The following IFRD1 variants were observed in gnomAD, a reference collection of about 807,000 sequenced individuals.
IFRD1 encodes interferon-related developmental regulator 1.
Under a neutral mutation model 52.9 loss-of-function variants are expected in IFRD1, and 35 were observed. That is an observed-to-expected ratio of 0.66 (90% CI 0.51 to 0.88). The LOEUF (loss-of-function observed/expected upper bound fraction) is 0.88, where lower values mean the gene tolerates loss of function less well. Among genes scored for constraint, IFRD1 ranks in the 40% least tolerant of loss-of-function variants. IFRD1 has a pLI of 0.00. For synonymous variants in IFRD1, 184 were observed against 188.4 expected (o/e 0.98, Z 0.19); for missense variants, 517 against 550.8 (o/e 0.94, Z 0.61).
intron 1 of IFRD1, among the ~76,000 whole-genome samples, chr7:112,441,841 G>A (rs1794897723): frequency 6.6e-6 from 1 of 152,134 alleles, no homozygotes; most frequent in Non-Finnish European, 1.5e-5. Flanking sequence ...AACATGCTTA[G>A]TATATAGTGG....
At chr7:112,471,848 G>A (rs1045777421) in intron 9 of IFRD1, among the ~76,000 whole-genome samples, 4 of 151,882 alleles carry the variant, frequency 2.6e-5, no homozygotes, top group African/African-American at 9.7e-5. Context: ...CCCTGCTTGT[G>A]GTGCCATTTT....
At chr7:112,466,943 T>A (rs1237502519) in intron 8 of IFRD1, among the ~76,000 whole-genome samples, 1 of 152,174 alleles carries the variant, frequency 6.6e-6, no homozygotes, top group African/African-American at 2.4e-5. Flanking sequence ...TGTCTCTAAC[T>A]TAGATATAGG....
intron 4 of IFRD1, 189 bp downstream of exon 4, chr7:112,457,227 C>T: frequency 1.6e-6 from 1 of 634,416 alleles, no homozygotes; most frequent in Non-Finnish European, 2.8e-6. Flanking sequence ...ATTACGTAAA[C>T]CAAAAAAAAA....
At chr7:112,468,206 T>C (rs560023853) in intron 9 of IFRD1, 91 bp downstream of exon 9, 1 of 1,361,606 alleles carries the variant, frequency 7.3e-7, no homozygotes, top group Non-Finnish European at 1.0e-6. Flanking sequence ...GTTGATTGAA[T>C]TTCACCTTTG....
intron 1 of IFRD1, among the ~76,000 whole-genome samples, chr7:112,452,905 T>C (rs1385362331): frequency 6.6e-6 from 1 of 151,950 alleles, no homozygotes; most frequent in Non-Finnish European, 1.5e-5. Flanking sequence ...CTAGAACTTG[T>C]TAACTGTGGT....
chr7:112,469,406 C>A (rs899268544), intron 9 of IFRD1, among the ~76,000 whole-genome samples: 2 of 152,052 alleles, frequency 1.3e-5, no homozygotes, highest in African/African-American at 4.8e-5. Context: ...TTTATATTTA[C>A]TCTGGATTTT....
At chr7:112,452,349 C>A in intron 1 of IFRD1, 1 of 435,592 alleles carries the variant, frequency 2.3e-6, no homozygotes, top group Non-Finnish European at 3.1e-6. Flanking sequence ...TTTGTGGAGA[C>A]AAGGTCTATG....
rs534671053 is a variant in IFRD1 at position 112,443,388 on chromosome 7, A to C, written c.-181-7120A>C. ...CAGGAGTTTGAGACCAGCCTAGGCA[A>C]CACAGCAAGACCTCATTTCTACAAA... is the stretch of plus-strand genomic sequence containing the variant. On this transcript the variant is annotated intron_variant, in intron 1 of 12. Transcript: ENST00000005558. Among the ~76,000 whole-genome samples the C allele has an allele frequency of 5.3e-5, 8 of 151,376 alleles. No individual in the cohort carries two copies. In the East Asian group the frequency reaches 1.2e-3, roughly 22 times the overall value.
At chr7:112,429,890 A>G (rs554198168) in intron 1 of IFRD1, among the ~76,000 whole-genome samples, 1 of 152,362 alleles carries the variant, frequency 6.6e-6, no homozygotes, top group African/African-American at 2.4e-5. Flanking sequence ...AAGTTGTTAT[A>G]TAAATAAAAT....
At chr7:112,472,475 T>G in intron 10 of IFRD1, 128 bp downstream of exon 10, 2 of 1,068,704 alleles carry the variant, frequency 1.9e-6, no homozygotes, top group Non-Finnish European at 2.9e-6. Flanking sequence ...ACAGTAAACT[T>G]GTTTTTGAAA....
At chr7:112,456,851 TA>T in intron 3 of IFRD1, 62 bp from the exon 4 acceptor site, 2 of 1,537,274 alleles carry the variant, frequency 1.3e-6, no homozygotes, top group Non-Finnish European at 9.0e-7. Context: ...AATAAGATTT[TA>T]AAAAGTTATT....
chr7:112,445,737 T>G (rs753180211), upstream of IFRD1, among the ~76,000 whole-genome samples: 1 of 152,214 alleles, frequency 6.6e-6, no homozygotes, highest in African/African-American at 2.4e-5. Flanking sequence ...TTCCAGCCCA[T>G]AAACACTCAT....
chr7:112,455,333 A>G (rs1322776698), intron 1 of IFRD1, among the ~76,000 whole-genome samples: 1 of 152,144 alleles, frequency 6.6e-6, no homozygotes, highest in African/African-American at 2.4e-5. Context: ...AATACACAAA[A>G]AATTTGTCAG....
At chr7:112,470,600 C>G (rs1795721699) in intron 9 of IFRD1, among the ~76,000 whole-genome samples, 1 of 152,102 alleles carries the variant, frequency 6.6e-6, no homozygotes, top group Non-Finnish European at 1.5e-5. Context: ...GAGAAGGAAC[C>G]TGTGGAGAAA....
Position 112,450,934 on chromosome 7 carries a change from C to T in IFRD1, c.94+152C>T, listed in dbSNP as rs185340202. 3.2e-4 allele frequency: 221 copies of T among 683,904 alleles called. 2 individuals carry two copies. The East Asian group carries it at 5.0e-3, about 15-fold the overall frequency. 42.4% of individuals were successfully genotyped at this position (683,904 alleles called of 1,614,324 possible). A position where few individuals can be genotyped will look rare whatever the true frequency, so the allele number is the denominator to read the frequency against. On this transcript the variant is annotated intron_variant, in intron 1 of 11. Transcript: ENST00000403825. ...TTGGCTACTGAACTACAATTCCCAG[C>T]GTGCCCTGGGCGCTGCTCCTCGCGC...
intron 5 of IFRD1, 28 bp downstream of exon 5, chr7:112,459,046 A>G: frequency 6.3e-7 from 1 of 1,588,510 alleles, no homozygotes; most frequent in Non-Finnish European, 8.6e-7. Context: ...ACATTTATAG[A>G]TCTGTCTATT....
At chr7:112,473,032 GT>G (rs1563273419) in intron 11 of IFRD1, among the ~76,000 whole-genome samples, 171 bp downstream of exon 11, 8 of 50,248 alleles carry the variant, frequency 1.6e-4, no homozygotes, top group Non-Finnish European at 4.8e-4. Flanking sequence ...TGGGGGGCGT[GT>G]GTGTGTGTGT....
chr7:112,454,527 A>G (rs1249706448), intron 1 of IFRD1, among the ~76,000 whole-genome samples: 1 of 152,156 alleles, frequency 6.6e-6, no homozygotes, highest in Non-Finnish European at 1.5e-5. Flanking sequence ...CACATTGTAG[A>G]AACTTTCCCT....
intron 1 of IFRD1, chr7:112,451,009 C>A (rs1156288206): frequency 5.3e-6 from 3 of 570,814 alleles, no homozygotes; most frequent in South Asian, 2.0e-5. Context: ...GCCGTGGGGG[C>A]AGGGAGGAAC....
Sources: allele counts gnomAD v4.1 joint callset (sites outside exome capture counted in the v4.1 genomes callset), GRCh38; gene constraint gnomAD v4.1.1; transcripts MANE v1.5; gene names NCBI Gene and HGNC (gene_info 2026-07-23, HGNC 2026-07-21).